Variants in TRIM50 observed in about 807,000 individuals in gnomAD.
TRIM50 encodes E3 ubiquitin-protein ligase TRIM50.
Under a neutral mutation model 44.9 loss-of-function variants are expected in TRIM50, and 34 were observed. The ratio of observed to expected loss-of-function variants is 0.76; its 90% CI spans 0.58 to 1.01. The LOEUF (loss-of-function observed/expected upper bound fraction) is 1.01. TRIM50 is among the 50% of genes least tolerant of loss of function. TRIM50 has a pLI of 0.00. For synonymous variants in TRIM50, 307 were observed against 291.1 expected, an observed-to-expected ratio of 1.05 and a Z score of -0.56; for missense variants, 633 against 663.7, an observed-to-expected ratio of 0.95 and a Z score of 0.51.
rs1228278438 is a variant in TRIM50 at position 73,328,019 on chromosome 7, C to T, written c.-138G>A. 3.1e-6 allele frequency: 2 copies of T among 649,290 alleles called. No individual in the cohort carries two copies. Among genetic ancestry groups the T allele is most frequent in the East Asian group, 5.5e-5 (2 of 36,146 alleles). The allele number at this position is 649,290 out of a possible 1,614,324, so 40.2% of individuals were successfully genotyped here. A position where few individuals can be genotyped will look rare whatever the true frequency, so the allele number is the denominator to read the frequency against. ...CTAACCCCCCACGTCCGTGCCTCATCATGACCCGCACGCTATGGTTACATG... is the reference window on the plus strand; with the variant it reads ...CTAACCCCCCACGTCCGTGCCTCATTATGACCCGCACGCTATGGTTACATG... On this transcript the variant is annotated 5_prime_UTR_variant, in exon 1 of 7. It removes an upstream start codon present in the reference 5' UTR. Coordinates refer to ENST00000333149, the MANE Select transcript of TRIM50 (RefSeq NM_178125.3).
rs2695369 is a variant in TRIM50 at position 73,328,005 on chromosome 7, C to A, written c.-124G>T. 1.6e-6 allele frequency: 1 copy of A among 613,240 alleles called. No homozygotes were observed. The allele number at this position is 613,240 out of a possible 1,614,324, so 38.0% of individuals were successfully genotyped here. A position where few individuals can be genotyped will look rare whatever the true frequency, so the allele number is the denominator to read the frequency against. ...ATTACGTGCCCCACCTAACCCCCCA[C>A]GTCCGTGCCTCATCATGACCCGCAC... On this transcript the variant is annotated 5_prime_UTR_variant, in exon 1 of 7. Transcript: ENST00000333149.
Position 73,324,630 on chromosome 7 carries a change from C to A in TRIM50, c.158G>T (p.Cys53Phe). The A allele has an allele frequency of 6.2e-7, 1 of 1,614,202 alleles. No homozygotes were observed. Among genetic ancestry groups the A allele is most frequent in the South Asian group, 1.1e-5 (1 of 91,082 alleles). ...LSCHLDAELR[C>F]PVCRQAVDGS... ...GTCCACCGCCTGCCGGCACACGGGG[C>A]AGCGCAGCTCGGCATCCAGGTGGCA... The change falls in exon 2 of 7, where the codon TGC (cysteine) becomes TTC (phenylalanine). Residue 53 changes from cysteine (C) to phenylalanine (F), a missense_variant. Transcript: ENST00000333149.
intron 2 of TRIM50, among the ~76,000 whole-genome samples, chr7:73,324,124 A>G (rs565421097): frequency 6.6e-6 from 1 of 152,162 alleles, no homozygotes; most frequent in South Asian, 2.1e-4. Flanking sequence ...GAAGAAAAGA[A>G]AAAGGAACAA....
rs782231174 is a variant in TRIM50, at chr7:73,318,807, T to C, written c.726+15A>G. On this transcript the variant is annotated intron_variant, in intron 4 of 6. Transcript: ENST00000333149. ...CTGGCGGGTATGGGGATGGGACGCCTCCCTGTCCACTCACCCGGATGAACT... is the reference window on the plus strand; with the variant it reads ...CTGGCGGGTATGGGGATGGGACGCCCCCCTGTCCACTCACCCGGATGAACT... 1 of 1,613,914 alleles carries C rather than the reference T, an allele frequency of 6.2e-7. No homozygotes were observed. Among genetic ancestry groups the C allele is most frequent in the Admixed American group, 1.7e-5 (1 of 60,006 alleles).
intron 2 of TRIM50, among the ~76,000 whole-genome samples, chr7:73,324,037 C>A (rs1554545443): frequency 6.7e-6 from 1 of 149,924 alleles, no homozygotes; most frequent in Admixed American, 6.6e-5. Flanking sequence ...GAGACGCTGT[C>A]TCCAAAAAGA....
rs138473724 is a variant in TRIM50 at position 73,317,774 on chromosome 7, G to A, written c.749+913C>T. On this transcript the variant is annotated intron_variant, in intron 5 of 6. Transcript: ENST00000333149. ...AGTGAGGAAGGCTTGGGAACTGCAC[G>A]TGTTCGTTTGTTGGGTCTAGAACAT... 7.0e-3 allele frequency among the ~76,000 whole-genome samples: 1,059 copies of A among 152,286 alleles called. 13 individuals carry two copies. Among genetic ancestry groups the A allele is most frequent in the African/African-American group, 0.021 (884 of 41,552 alleles).
intron 6 of TRIM50, chr7:73,314,321 T>C (rs1586473456): frequency 2.8e-6 from 1 of 359,826 alleles, no homozygotes; most frequent in East Asian, 7.7e-5. Context: ...CCTCTATAAG[T>C]AGCAGAAACT....
At chr7:73,315,702 T>C (rs1261892905) in intron 6 of TRIM50, among the ~76,000 whole-genome samples, 2 of 152,122 alleles carry the variant, frequency 1.3e-5, no homozygotes, top group Non-Finnish European at 2.9e-5. Flanking sequence ...ATGAAATCGC[T>C]CTGTTAGCAG....
chr7:73,317,353 CTT>C (rs547252453), intron 5 of TRIM50, among the ~76,000 whole-genome samples: 96 of 117,984 alleles, frequency 8.1e-4, no homozygotes, highest in African/African-American at 2.9e-3. Context: ...CATGCCAAGA[CTT>C]TTTTTTTTTT....
In TRIM50 at chr7:73,326,996, G is replaced by A. The variant is rs572874937; in HGVS notation, c.-19+904C>T. 3.3e-5 allele frequency among the ~76,000 whole-genome samples: 5 copies of A among 152,236 alleles called. No homozygotes were observed. The East Asian group carries it at 9.7e-4, about 29-fold the overall frequency. ...AGTAGAGATGGGGTTTCATCATGTG[G>A]GGCAGGCTGGTCTCAAACTCCTGAC... On this transcript the variant is annotated intron_variant, in intron 1 of 6. Transcript: ENST00000333149.
chr7:73,318,292 C>T (rs778145247), intron 5 of TRIM50, among the ~76,000 whole-genome samples: 1 of 152,154 alleles, frequency 6.6e-6, no homozygotes, highest in Non-Finnish European at 1.5e-5. Flanking sequence ...CCATGCCCAA[C>T]TAATTTTTTT....
Position 73,324,571 on chromosome 7 carries a change from T to C in TRIM50, c.217A>G (p.Arg73Gly). The C allele has an allele frequency of 6.2e-7, 1 of 1,614,126 alleles. No individual in the cohort carries two copies. The highest frequency in any genetic ancestry group is 8.5e-7 in the Non-Finnish European group (1 of 1,180,010). The change falls in exon 2 of 7, where the codon AGG becomes GGG. Residue 73 changes from arginine (R) to glycine (G), a missense_variant. Arg to Gly is a moderately radical substitution (Grantham distance 125, BLOSUM62 -2). Coordinates refer to ENST00000333149, the MANE Select transcript of TRIM50 (RefSeq NM_178125.3). ...SSSLPNVSLA[R>G]VIEALRLPGD... ...GGGAGCCTCAGGGCTTCGATCACCC[T>C]GGCCAGGGAGACGTTGGGCAGGGAG... is the stretch of plus-strand genomic sequence containing the variant.
intron 5 of TRIM50, 24 bp from the exon 6 acceptor site, chr7:73,316,713 AAGAG>A: frequency 6.2e-7 from 1 of 1,610,362 alleles, no homozygotes. Context: ...TTCACAGTAC[AAGAG>A]AGTGAGGTAT....
Position 73,313,589 on chromosome 7 carries a change from T to C in TRIM50, c.875-79A>G. On this transcript the variant is annotated intron_variant, in intron 6 of 6. Transcript: ENST00000333149. This position sits in a 1 kb window ranked among gnomAD's most constrained non-coding sequence, Gnocchi z 4.9. ...GGCCCACAGAAGCTGATGGAGGCCCTGAACTCCCCAAGGAGAGGGGCTGTG... is the reference window on the plus strand; with the variant it reads ...GGCCCACAGAAGCTGATGGAGGCCCCGAACTCCCCAAGGAGAGGGGCTGTG... 1 of 1,242,512 alleles carries C rather than the reference T, an allele frequency of 8.0e-7. No individual in the cohort carries two copies. Among genetic ancestry groups the C allele is most frequent in the Non-Finnish European group, 1.1e-6 (1 of 921,396 alleles). The allele number at this position is 1,242,512 out of a possible 1,614,324, so 77.0% of individuals were successfully genotyped here. A position where few individuals can be genotyped will look rare whatever the true frequency, so the allele number is the denominator to read the frequency against.
rs191954880 is a variant in TRIM50 at position 73,323,939 on chromosome 7, C to G, written c.399+450G>C. 7.2e-5 allele frequency among the ~76,000 whole-genome samples: 11 copies of G among 152,144 alleles called. No individual in the cohort carries two copies. In the East Asian group the frequency reaches 2.1e-3, roughly 29 times the overall value. On this transcript the variant is annotated intron_variant, in intron 2 of 6. Coordinates refer to ENST00000333149, the MANE Select transcript of TRIM50 (RefSeq NM_178125.3). ...CCTGTAGCCCCAGCTGCTCGGGAGG[C>G]TGAGGTGGGAGGATTGCTTCAGCCT... is the stretch of plus-strand genomic sequence containing the variant.
At chr7:73,317,913 T>G (rs192537066) in intron 5 of TRIM50, among the ~76,000 whole-genome samples, 1 of 152,296 alleles carries the variant, frequency 6.6e-6, no homozygotes, top group Admixed American at 6.5e-5. Flanking sequence ...TGGATGTTGC[T>G]TCTGGCCATT....
Position 73,313,058 on chromosome 7 carries a change from G to A in TRIM50, c.1327C>T (p.Gln443Ter), listed in dbSNP as rs564842605. Residue 443 changes from glutamine to a stop codon, truncating the protein, a stop_gained, in exon 7 of 7, where the codon CAG (glutamine) becomes TAG (stop). Transcript: ENST00000333149. LOFTEE classifies it high-confidence loss of function. The surrounding 1 kb of genome is among the most constrained non-coding windows in gnomAD (Gnocchi z 4.9). ...PDDLRPLYTF[Q>*]ADFQGKLYPI... ...TAGAGCTTGCCCTGGAAGTCGGCCT[G>A]GAAGGTGTAGAGCGGCCGCAGGTCA... 3 of 1,583,686 alleles carry A rather than the reference G, an allele frequency of 1.9e-6. No individual in the cohort carries two copies. In the South Asian group the frequency reaches 3.5e-5, roughly 18 times the overall value.
intron 2 of TRIM50, among the ~76,000 whole-genome samples, chr7:73,321,708 G>T (rs1387184625): frequency 6.6e-6 from 1 of 152,174 alleles, no homozygotes; most frequent in African/African-American, 2.4e-5. Flanking sequence ...GGCTTGGATC[G>T]TGCCCAAGCA....
chr7:73,317,500 G>T (rs1316799379), intron 5 of TRIM50, among the ~76,000 whole-genome samples: 3 of 151,738 alleles, frequency 2.0e-5, no homozygotes, highest in African/African-American at 4.8e-5. Flanking sequence ...TGTGATTACA[G>T]GTGCCTGCCA....
Sources: allele counts gnomAD v4.1 joint callset (sites outside exome capture counted in the v4.1 genomes callset), GRCh38; gene constraint gnomAD v4.1.1; non-coding constraint Gnocchi (gnomAD v3.1); transcripts MANE v1.5; gene names NCBI Gene and HGNC (gene_info 2026-07-23, HGNC 2026-07-21).